The following CAMTA1 variants were observed in gnomAD, a reference collection of about 807,000 sequenced individuals.
CAMTA1 encodes calmodulin-binding transcription activator 1.
Under a neutral mutation model 170.9 loss-of-function variants are expected in CAMTA1, and 27 were observed. That is an observed-to-expected ratio of 0.16 (90% CI 0.12 to 0.22). The LOEUF (loss-of-function observed/expected upper bound fraction) is 0.22. Among genes scored for constraint, CAMTA1 ranks in the 10% least tolerant of loss-of-function variants. The probability of loss-of-function intolerance (pLI) is 1.00; values close to 1 mark genes in which losing one functional copy is unlikely to be tolerated. For missense variants in CAMTA1, 1,619 were observed against 2,217.2 expected (o/e 0.73, Z 5.42); for synonymous variants, 833 against 891.5 (o/e 0.93, Z 1.17).
chr1:6,844,508 C>CAA (rs34365054), intron 3 of CAMTA1, among the ~76,000 whole-genome samples: 5 of 96,508 alleles, frequency 5.2e-5, no homozygotes, highest in African/African-American at 1.6e-4. Context: ...CATTGCATTA[C>CAA]AAAAAAAAAA....
At chr1:7,078,088 G>T (rs1639547815) in intron 3 of CAMTA1, among the ~76,000 whole-genome samples, 1 of 152,200 alleles carries the variant, frequency 6.6e-6, no homozygotes, top group South Asian at 2.1e-4. Context: ...GCTACACAAA[G>T]ACCAAGTGGA....
At chr1:6,947,081 T>C (rs1687695869) in intron 3 of CAMTA1, among the ~76,000 whole-genome samples, 1 of 152,216 alleles carries the variant, frequency 6.6e-6, no homozygotes, top group African/African-American at 2.4e-5. Flanking sequence ...TTTTCCCCCA[T>C]TGAATTATCT....
Position 7,585,545 on chromosome 1 carries a change from T to C in CAMTA1, c.511-54855T>C, listed in dbSNP as rs933412132. Among the ~76,000 whole-genome samples the C allele has an allele frequency of 6.6e-6, 1 of 151,988 alleles. No individual in the cohort carries two copies. Among genetic ancestry groups the C allele is most frequent in the Non-Finnish European group, 1.5e-5 (1 of 67,998 alleles). ...AGATGGGTCCAGCCCATGGGCATTG[T>C]AAGGACTTGGGGTTTCACCGTGAGT... On this transcript the variant is annotated intron_variant, in intron 6 of 22. Coordinates refer to ENST00000303635, the MANE Select transcript of CAMTA1 (RefSeq NM_015215.4). This position sits in a 1 kb window ranked among gnomAD's most constrained non-coding sequence, Gnocchi z 4.8.
intron 3 of CAMTA1, among the ~76,000 whole-genome samples, chr1:6,919,869 C>T (rs1681617818): frequency 6.6e-6 from 1 of 151,806 alleles, no homozygotes; most frequent in South Asian, 2.1e-4. Context: ...GAAAGACCCA[C>T]CCCCCTAATT....
At chr1:7,568,598 TCAC>T (rs1226871242) in intron 6 of CAMTA1, among the ~76,000 whole-genome samples, 2 of 141,268 alleles carry the variant, frequency 1.4e-5, no homozygotes, top group Admixed American at 7.0e-5. Flanking sequence ...ACCATCATCA[TCAC>T]CACATCACCA....
At chr1:7,304,984 T>A (rs1013994432) in intron 5 of CAMTA1, among the ~76,000 whole-genome samples, 2 of 152,106 alleles carry the variant, frequency 1.3e-5, no homozygotes, top group Non-Finnish European at 2.9e-5. Flanking sequence ...ATTTTTTTCT[T>A]AATTTAAATC....
chr1:7,103,400 C>T (rs1347188279), intron 4 of CAMTA1, among the ~76,000 whole-genome samples: 1 of 136,518 alleles, frequency 7.3e-6, no homozygotes, highest in Non-Finnish European at 1.6e-5. Flanking sequence ...CACACAACTA[C>T]ACACGCACAC....
chr1:7,091,569 G>A (rs1038876041), intron 4 of CAMTA1, among the ~76,000 whole-genome samples, 198 bp downstream of exon 4: 1 of 152,206 alleles, frequency 6.6e-6, no homozygotes, highest in African/African-American at 2.4e-5. Flanking sequence ...TAAAAAGAGT[G>A]CAAGTGCCAT....
intron 5 of CAMTA1, among the ~76,000 whole-genome samples, chr1:7,356,950 T>G (rs181561778): frequency 3.3e-5 from 5 of 152,316 alleles, no homozygotes; most frequent in African/African-American, 7.2e-5. Flanking sequence ...TGTCAGCTGC[T>G]GCTGTGATTG....
At chr1:7,127,005 A>G (rs1015982585) in intron 4 of CAMTA1, among the ~76,000 whole-genome samples, 3 of 151,980 alleles carry the variant, frequency 2.0e-5, no homozygotes, top group Non-Finnish European at 4.4e-5. Context: ...TCCTGACCTC[A>G]TGATCCACCC....
At chr1:7,053,036 G>A (rs1706687598) in intron 3 of CAMTA1, among the ~76,000 whole-genome samples, 1 of 152,196 alleles carries the variant, frequency 6.6e-6, no homozygotes, top group Non-Finnish European at 1.5e-5. Flanking sequence ...ACTCTGCTGA[G>A]GGAATGGGAA....
At chr1:7,445,975 G>GA (rs1243884309) in intron 5 of CAMTA1, among the ~76,000 whole-genome samples, 1 of 152,080 alleles carries the variant, frequency 6.6e-6, no homozygotes, top group African/African-American at 2.4e-5. Flanking sequence ...CGTGACCTTG[G>GA]ACACAGCTGT....
chr1:6,907,054 G>A (rs1192413509), intron 3 of CAMTA1, among the ~76,000 whole-genome samples: 2 of 152,126 alleles, frequency 1.3e-5, no homozygotes, highest in South Asian at 2.1e-4. Context: ...ATCCATCTTC[G>A]GGATAGGCAG....
intron 5 of CAMTA1, among the ~76,000 whole-genome samples, chr1:7,442,493 G>A (rs953698848): frequency 2.0e-5 from 3 of 152,122 alleles, no homozygotes; most frequent in African/African-American, 4.8e-5. Context: ...CCAATGGCCC[G>A]GTTGTATTCA....
intron 5 of CAMTA1, among the ~76,000 whole-genome samples, chr1:7,380,658 C>T (rs192205624): frequency 5.9e-5 from 9 of 152,312 alleles, no homozygotes; most frequent in Admixed American, 5.2e-4. Flanking sequence ...GGCCTAGTTC[C>T]ATCAGGTCTT....
At chr1:7,493,274 AACAT>A (rs146751841) in intron 6 of CAMTA1, among the ~76,000 whole-genome samples, 53,239 of 127,118 alleles carry the variant, frequency 0.42, 10,270 homozygotes, top group Middle Eastern at 0.54. Flanking sequence ...CACGCACACA[AACAT>A]ACACGCGCAC....
At chr1:7,126,373 T>C (rs1394534869) in intron 4 of CAMTA1, among the ~76,000 whole-genome samples, 1 of 152,218 alleles carries the variant, frequency 6.6e-6, no homozygotes, top group Non-Finnish European at 1.5e-5. Flanking sequence ...GCTGCAAGCC[T>C]CTTTCCAGGC....
In CAMTA1 at chr1:7,092,616, G is replaced by T. The variant is rs1026713795; in HGVS notation, c.302+1245G>T. 6.6e-6 allele frequency among the ~76,000 whole-genome samples: 1 copy of T among 152,174 alleles called. No homozygotes were observed. Among genetic ancestry groups the T allele is most frequent in the African/African-American group, 2.4e-5 (1 of 41,438 alleles). ...AAAACCTCAGCCTGCTGGAACCATG[G>T]TTTTTCCTTTGCTATAAAATCAAAT... On this transcript the variant is annotated intron_variant, in intron 4 of 22. Coordinates refer to ENST00000303635, the MANE Select transcript of CAMTA1 (RefSeq NM_015215.4). The surrounding 1 kb of genome is among the most constrained non-coding windows in gnomAD (Gnocchi z 5.0).
chr1:7,736,243 T>G lies in CAMTA1; in HGVS notation c.3067-101T>G. The G allele has an allele frequency of 7.3e-6, 7 of 957,792 alleles. No homozygotes were observed. Among genetic ancestry groups the G allele is most frequent in the South Asian group, 1.6e-5 (1 of 63,126 alleles). 59.3% of individuals were successfully genotyped at this position (957,792 alleles called of 1,614,324 possible). ...TTTCAGTGTTTTATGTTTTCCGTTG[T>G]GAGTTTCTAATCGTAAAGCATTTGT... On this transcript the variant is annotated intron_variant, in intron 12 of 22. Transcript: ENST00000303635. The surrounding 1 kb of genome is among the most constrained non-coding windows in gnomAD (Gnocchi z 4.5).
Sources: gnomAD v4.1 joint callset for allele counts (sites outside exome capture counted in the v4.1 genomes callset) on GRCh38, gnomAD v4.1.1 for gene constraint, Gnocchi (gnomAD v3.1) non-coding constraint, MANE v1.5 for transcripts, NCBI Gene and HGNC (gene_info 2026-07-23, HGNC 2026-07-21) for gene names.